The following CTIF variants were observed in gnomAD, a reference collection of about 807,000 sequenced individuals.
The protein encoded by CTIF is cap binding complex dependent translation initiation factor.
CTIF carries 21 observed loss-of-function variants against 66.0 expected under a neutral mutation model. That is an observed-to-expected ratio of 0.32 (90% CI 0.23 to 0.46). CTIF has a LOEUF of 0.46. Ranked by LOEUF, CTIF falls within the 20% of genes least tolerant of loss-of-function variation. CTIF has a pLI of 1.00. For missense variants in CTIF, 739 were observed against 812.7 expected, an observed-to-expected ratio of 0.91 and a Z score of 1.10; for synonymous variants, 345 against 326.4, an observed-to-expected ratio of 1.06 and a Z score of -0.62.
chr18:48,588,139 G>A (rs2089811282), intron 1 of CTIF, among the ~76,000 whole-genome samples: 1 of 152,164 alleles, frequency 6.6e-6, no homozygotes, highest in Non-Finnish European at 1.5e-5. Context: ...GGAATTACTG[G>A]GACCCTCCTA....
chr18:48,639,551 G>A (rs1357067425), intron 3 of CTIF, among the ~76,000 whole-genome samples: 1 of 152,170 alleles, frequency 6.6e-6, no homozygotes, highest in Non-Finnish European at 1.5e-5. Flanking sequence ...GGAGGCAGGA[G>A]CATCTGTGGG....
intron 6 of CTIF, among the ~76,000 whole-genome samples, chr18:48,687,502 G>T (rs1466450011): frequency 6.6e-6 from 1 of 152,028 alleles, no homozygotes; most frequent in African/African-American, 2.4e-5. Context: ...TGGGACTCAA[G>T]GATAAGGCTC....
At chr18:48,795,196 C>T (rs1462185413) in intron 9 of CTIF, among the ~76,000 whole-genome samples, 1 of 152,108 alleles carries the variant, frequency 6.6e-6, no homozygotes, top group Non-Finnish European at 1.5e-5. Flanking sequence ...AAACCATGGA[C>T]TTAGTTGCCA....
At chr18:48,790,826 C>T (rs1001865647) in intron 9 of CTIF, among the ~76,000 whole-genome samples, 4 of 152,206 alleles carry the variant, frequency 2.6e-5, no homozygotes, top group Non-Finnish European at 5.9e-5. Flanking sequence ...TAGGCCACCT[C>T]GTGCTGGGGA....
intron 9 of CTIF, among the ~76,000 whole-genome samples, chr18:48,793,505 G>T (rs909657626): frequency 1.3e-5 from 2 of 152,012 alleles, no homozygotes; most frequent in South Asian, 2.1e-4. Flanking sequence ...AGTTTTTAGC[G>T]CCCACTATAT....
intron 5 of CTIF, among the ~76,000 whole-genome samples, chr18:48,668,015 G>C (rs1285309505): frequency 2.0e-5 from 3 of 152,228 alleles, no homozygotes; most frequent in Non-Finnish European, 4.4e-5. Context: ...AATCAGAGAA[G>C]GCTGTTGCCT....
chr18:48,702,745 G>T (rs868541210), intron 6 of CTIF, among the ~76,000 whole-genome samples: 2 of 152,142 alleles, frequency 1.3e-5, no homozygotes, highest in African/African-American at 4.8e-5. Context: ...GCATGGGTGA[G>T]CCTGCCCACC....
At chr18:48,765,233 G>A (rs567384738) in intron 9 of CTIF, among the ~76,000 whole-genome samples, 62 of 152,198 alleles carry the variant, frequency 4.1e-4, no homozygotes, top group African/African-American at 1.4e-3. Context: ...TTCTAGACCC[G>A]GCCTGCACAG....
chr18:48,845,640 G>A (rs912366357), intron 10 of CTIF, among the ~76,000 whole-genome samples: 5 of 152,012 alleles, frequency 3.3e-5, no homozygotes, highest in Admixed American at 2.0e-4. Context: ...CTAATCCCTG[G>A]GTGCTGATGA....
intron 9 of CTIF, among the ~76,000 whole-genome samples, chr18:48,768,952 C>T (rs934957921): frequency 5.9e-5 from 9 of 152,196 alleles, no homozygotes; most frequent in African/African-American, 2.2e-4. Context: ...TTTCAAAATC[C>T]ACCCTGTGGA....
At chr18:48,609,719 G>C (rs1163354341) in intron 1 of CTIF, among the ~76,000 whole-genome samples, 1 of 152,228 alleles carries the variant, frequency 6.6e-6, no homozygotes, top group Non-Finnish European at 1.5e-5. Flanking sequence ...CTGTCCAGCT[G>C]TCTGGTGGCC....
intron 2 of CTIF, among the ~76,000 whole-genome samples, chr18:48,629,709 T>C (rs2090668098): frequency 6.6e-6 from 1 of 152,230 alleles, no homozygotes; most frequent in South Asian, 2.1e-4. Flanking sequence ...TCAGTCATTT[T>C]TCCTGGGTCT....
At chr18:48,634,672 C>T (rs1159726899) in intron 2 of CTIF, among the ~76,000 whole-genome samples, 1 of 152,224 alleles carries the variant, frequency 6.6e-6, no homozygotes, top group African/African-American at 2.4e-5. Flanking sequence ...TGGCCAAGCC[C>T]AGCCAGAAGC....
chr18:48,559,962 A>G (rs936154158), intron 1 of CTIF, among the ~76,000 whole-genome samples: 6 of 152,178 alleles, frequency 3.9e-5, no homozygotes, highest in Non-Finnish European at 7.3e-5. Flanking sequence ...AAATAAACCA[A>G]ACAAAATAAT....
At chr18:48,660,370 A>G (rs1317372191) in intron 3 of CTIF, among the ~76,000 whole-genome samples, 1 of 152,044 alleles carries the variant, frequency 6.6e-6, no homozygotes, top group Non-Finnish European at 1.5e-5. Context: ...TCTGTTTTTC[A>G]CCCCCAACAT....
intron 1 of CTIF, among the ~76,000 whole-genome samples, chr18:48,618,461 T>C (rs554599642): frequency 6.6e-6 from 1 of 152,184 alleles, no homozygotes; most frequent in African/African-American, 2.4e-5. Context: ...GGATCTTCCA[T>C]GGAAATCACA....
chr18:48,583,079 A>C (rs2089694778), intron 1 of CTIF, among the ~76,000 whole-genome samples: 1 of 152,054 alleles, frequency 6.6e-6, no homozygotes, highest in African/African-American at 2.4e-5. Flanking sequence ...ATGATGGGGG[A>C]GTGCCCAGAT....
intron 10 of CTIF, among the ~76,000 whole-genome samples, chr18:48,828,748 A>G (rs1361988757): frequency 6.6e-6 from 1 of 152,214 alleles, no homozygotes; most frequent in Non-Finnish European, 1.5e-5. Context: ...GCATGGGCCC[A>G]GCACGAGCTA....
At chr18:48,758,499 G>C in intron 8 of CTIF, 94 bp downstream of exon 8, 2 of 1,451,456 alleles carry the variant, frequency 1.4e-6, no homozygotes, top group Non-Finnish European at 1.8e-6. Context: ...GAGCCTTGTG[G>C]GTTTGAGGGT....
Sources: allele counts gnomAD v4.1 joint callset (sites outside exome capture counted in the v4.1 genomes callset), GRCh38; gene constraint gnomAD v4.1.1; transcripts MANE v1.5; gene names NCBI Gene and HGNC (gene_info 2026-07-23, HGNC 2026-07-21).